Variants in NTRK3 observed in about 807,000 individuals in gnomAD.
The protein encoded by NTRK3 is NT-3 growth factor receptor.
Under a neutral mutation model 91.7 loss-of-function variants are expected in NTRK3, and 24 were observed. The observed-to-expected ratio is 0.26, with a 90% CI of 0.19 to 0.37. The LOEUF is 0.37. Ranked by LOEUF, NTRK3 falls within the 10% of genes least tolerant of loss-of-function variation. The probability of loss-of-function intolerance (pLI) is 1.00; values close to 1 mark genes in which losing one functional copy is unlikely to be tolerated. For missense variants in NTRK3, 880 were observed against 1,068.9 expected (o/e 0.82, Z 2.46); for synonymous variants, 483 against 404.0 (o/e 1.20, Z -2.34).
At chr15:88,105,656 T>C (rs2050625290) in intron 13 of NTRK3, among the ~76,000 whole-genome samples, 1 of 152,094 alleles carries the variant, frequency 6.6e-6, no homozygotes, top group Non-Finnish European at 1.5e-5. Context: ...CCATAAAGTA[T>C]TATATGTTCA....
chr15:88,075,577 G>A (rs1156524823), intron 13 of NTRK3, among the ~76,000 whole-genome samples: 2 of 152,042 alleles, frequency 1.3e-5, no homozygotes, highest in East Asian at 1.9e-4. Context: ...CTCCAAAGGA[G>A]AAGTCTCCCT....
intron 14 of NTRK3, among the ~76,000 whole-genome samples, chr15:88,011,256 G>A (rs2076860343): frequency 6.6e-6 from 1 of 152,084 alleles, no homozygotes; most frequent in African/African-American, 2.4e-5. Flanking sequence ...CTCGCTTCTT[G>A]CTGTCTAGAA....
intron 17 of NTRK3, among the ~76,000 whole-genome samples, chr15:87,889,168 C>G (rs1049451496): frequency 1.3e-5 from 2 of 152,078 alleles, no homozygotes; most frequent in Non-Finnish European, 2.9e-5. Flanking sequence ...GTCATTTTTC[C>G]TACTTAAGCC....
intron 17 of NTRK3, among the ~76,000 whole-genome samples, chr15:87,905,337 A>T (rs542705646): frequency 4.6e-5 from 7 of 152,192 alleles, no homozygotes; most frequent in African/African-American, 7.2e-5. Context: ...TTGGCATCCC[A>T]AAGTAATTCT....
At chr15:87,964,475 A>T (rs1396563820) in intron 14 of NTRK3, among the ~76,000 whole-genome samples, 3 of 151,896 alleles carry the variant, frequency 2.0e-5, no homozygotes, top group Non-Finnish European at 4.4e-5. Flanking sequence ...TATTTTGTAT[A>T]TATATACAAA....
chr15:87,934,395 A>G (rs1389667707), intron 15 of NTRK3, among the ~76,000 whole-genome samples: 1 of 152,190 alleles, frequency 6.6e-6, no homozygotes, highest in Non-Finnish European at 1.5e-5. Context: ...CAGACTAGAG[A>G]TTGGTTTGCA....
intron 13 of NTRK3, among the ~76,000 whole-genome samples, chr15:88,056,103 C>G (rs2045650988): frequency 6.6e-6 from 1 of 150,656 alleles, no homozygotes; most frequent in South Asian, 2.1e-4. Context: ...GCTGGTTAAG[C>G]CTCCTGGAGC....
intron 3 of NTRK3, among the ~76,000 whole-genome samples, chr15:88,197,428 C>A (rs958309467): frequency 6.6e-6 from 1 of 152,136 alleles, no homozygotes; most frequent in African/African-American, 2.4e-5. Context: ...AAGATGACAT[C>A]GATCATGTCC....
chr15:87,950,589 A>AAATT (rs1386887831), intron 14 of NTRK3, among the ~76,000 whole-genome samples: 13 of 152,334 alleles, frequency 8.5e-5, no homozygotes, highest in African/African-American at 2.6e-4. Context: ...ACTCAAGGAC[A>AAATT]CATCCTCAGA....
intron 17 of NTRK3, chr15:87,928,942 T>C (rs1023580513): frequency 6.6e-6 from 4 of 606,174 alleles, no homozygotes; most frequent in East Asian, 2.8e-5. Context: ...ACAATGCATA[T>C]GTTATTGCAA....
intron 13 of NTRK3, among the ~76,000 whole-genome samples, chr15:88,063,728 G>A (rs571772051): frequency 1.3e-5 from 2 of 152,254 alleles, no homozygotes; most frequent in African/African-American, 2.4e-5. Context: ...TTTCCATCTC[G>A]CATGTGGTGG....
At chr15:87,939,619 G>C (rs754162947) in intron 15 of NTRK3, among the ~76,000 whole-genome samples, 8 of 152,166 alleles carry the variant, frequency 5.3e-5, no homozygotes, top group Admixed American at 2.0e-4. Context: ...CAATGCTAAG[G>C]ATGGGACCAT....
At chr15:88,053,134 G>A (rs1333150397) in intron 13 of NTRK3, among the ~76,000 whole-genome samples, 2 of 152,188 alleles carry the variant, frequency 1.3e-5, no homozygotes, top group African/African-American at 2.4e-5. Flanking sequence ...ACATTCTAAG[G>A]GGAGGGCAAC....
At chr15:87,942,031 A>G (rs2069918450) in intron 14 of NTRK3, among the ~76,000 whole-genome samples, 1 of 152,180 alleles carries the variant, frequency 6.6e-6, no homozygotes, top group African/African-American at 2.4e-5. Context: ...ATAAATGAGG[A>G]GACGTAATAG....
At chr15:88,024,202 G>C (rs964067836) in intron 14 of NTRK3, among the ~76,000 whole-genome samples, 1 of 152,202 alleles carries the variant, frequency 6.6e-6, no homozygotes, top group African/African-American at 2.4e-5. Context: ...ACACTCTGAT[G>C]TCCCAGCTAA....
intron 14 of NTRK3, among the ~76,000 whole-genome samples, chr15:88,020,443 G>A (rs77045734): frequency 0.01 from 1,535 of 152,206 alleles, 24 homozygotes; most frequent in African/African-American, 0.035. Context: ...GAAAGAAGTC[G>A]CTGGAGGGGA....
chr15:88,046,482 G>T (rs1050187420), intron 13 of NTRK3, among the ~76,000 whole-genome samples: 2 of 152,128 alleles, frequency 1.3e-5, no homozygotes, highest in African/African-American at 4.8e-5. Context: ...GTGCGCTCAG[G>T]ACATGAGGCA....
rs77328622 is a variant in NTRK3 at position 87,979,117 on chromosome 15, G to A, written c.1586-38364C>T. 2,077 of 600,356 alleles carry A rather than the reference G, an allele frequency of 3.5e-3. 28 individuals are homozygous for A. The highest frequency in any genetic ancestry group is 0.034 in the African/African-American group (1,839 of 53,904). The allele number at this position is 600,356 out of a possible 1,614,324, so 37.2% of individuals were successfully genotyped here. A position where few individuals can be genotyped will look rare whatever the true frequency, so the allele number is the denominator to read the frequency against. On this transcript the variant is annotated intron_variant, in intron 14 of 18. Transcript: ENST00000394480. ...AGTGGCAGGAGCTGCCTCGTAGGCC[G>A]GGAAAAAAGGAGCACAGTGATGATT...
intron 4 of NTRK3, 66 bp from the exon 5 acceptor site, chr15:88,183,555 G>A (rs980977056): frequency 6.2e-6 from 9 of 1,455,274 alleles, no homozygotes; most frequent in Non-Finnish European, 8.7e-6. Context: ...TCTGGGCTGA[G>A]GCTGGCAGGG....
Sources: allele counts gnomAD v4.1 joint callset (sites outside exome capture counted in the v4.1 genomes callset), GRCh38; gene constraint gnomAD v4.1.1; transcripts MANE v1.5; gene names NCBI Gene and HGNC (gene_info 2026-07-23, HGNC 2026-07-21).